Variants in HIF3A observed in about 807,000 individuals in gnomAD.
HIF3A encodes the protein hypoxia inducible factor 3 subunit alpha.
HIF3A carries 41 observed loss-of-function variants against 67.2 expected under a neutral mutation model. The ratio of observed to expected loss-of-function variants is 0.61; its 90% confidence interval spans 0.48 to 0.79. The LOEUF (loss-of-function observed/expected upper bound fraction) is 0.79, where lower values mean the gene tolerates loss of function less well. Ranked by LOEUF, HIF3A falls within the 30% of genes least tolerant of loss-of-function variation. The pLI is 0.00. For missense variants in HIF3A, 855 were observed against 898.0 expected (o/e 0.95, Z 0.61); for synonymous variants, 356 against 374.8 (o/e 0.95, Z 0.58).
chr19:46,312,183 A>G lies in HIF3A; in HGVS notation c.793A>G (p.Ser265Gly). ...DDRIAEVAGY[S>G]PDDLIGCSAY... is the part of the protein sequence containing the mutation. The stretch of plus-strand genomic sequence containing the variant: ...CAGGATTGCAGAAGTGGCTGGCTAT[A>G]GTCCCGATGACCTGATCGGCTGTTC... Residue 265 changes from serine (S) to glycine (G), a missense_variant, in exon 7 of 15, where the codon AGT (serine) becomes GGT (glycine). By Grantham distance (56) the Ser-to-Gly change is moderately conservative (BLOSUM62 0). This residue lies in a region of HIF3A where 638 missense variants were observed against 660.5 expected (regional missense o/e 0.97). Transcript: ENST00000377670. 21 of 1,614,048 alleles carry G rather than the reference A, an allele frequency of 1.3e-5. No individual in the cohort carries two copies. Among genetic ancestry groups the G allele is most frequent in the South Asian group, 4.4e-5 (4 of 91,078 alleles).
At chr19:46,313,414 G>A in intron 8 of HIF3A, 1 of 565,174 alleles carries the variant, frequency 1.8e-6, no homozygotes, top group Non-Finnish European at 2.2e-6. Context: ...CTAGAGCCTG[G>A]GGGTTCAAGA....
At chr19:46,332,710 A>G (rs1401816826) in intron 13 of HIF3A, among the ~76,000 whole-genome samples, 2 of 151,850 alleles carry the variant, frequency 1.3e-5, no homozygotes, top group South Asian at 4.2e-4. Flanking sequence ...CAGGCCAGAC[A>G]TAATGCCTCA....
intron 1 of HIF3A, among the ~76,000 whole-genome samples, chr19:46,301,806 A>G (rs1968358726): frequency 6.6e-6 from 1 of 150,790 alleles, no homozygotes; most frequent in Non-Finnish European, 1.5e-5. Flanking sequence ...TGGCTGACAC[A>G]GTGAAACTCC....
intron 13 of HIF3A, among the ~76,000 whole-genome samples, chr19:46,332,947 A>G (rs1601363083): frequency 6.7e-6 from 1 of 149,746 alleles, no homozygotes. Context: ...GCGCCATTGC[A>G]CTCCTGCCTG....
intron 3 of HIF3A, among the ~76,000 whole-genome samples, chr19:46,307,057 C>T (rs898776435): frequency 1.3e-5 from 2 of 151,868 alleles, no homozygotes; most frequent in African/African-American, 4.8e-5. Flanking sequence ...AATACTCTTA[C>T]TCCAGGGGGC....
intron 12 of HIF3A, among the ~76,000 whole-genome samples, chr19:46,330,341 A>G (rs570219583): frequency 1.3e-5 from 2 of 152,136 alleles, no homozygotes; most frequent in East Asian, 3.9e-4. Context: ...GAAAGGGTGT[A>G]TGTATGTATG....
chr19:46,309,045 T>C (rs1305256411), intron 5 of HIF3A, 106 bp from the exon 6 acceptor site: 1 of 938,872 alleles, frequency 1.1e-6, no homozygotes, highest in South Asian at 1.7e-5. Flanking sequence ...CTTCATGGGG[T>C]TGGAATCTCA....
intron 2 of HIF3A, 165 bp downstream of exon 2, chr19:46,304,253 G>A: frequency 3.2e-6 from 2 of 618,800 alleles, no homozygotes; most frequent in Admixed American, 2.9e-5. Context: ...CGACTTCCCC[G>A]GGGAGGCCCC....
chr19:46,313,582 C>G (rs532622231), intron 8 of HIF3A, among the ~76,000 whole-genome samples: 14 of 151,026 alleles, frequency 9.3e-5, no homozygotes, highest in African/African-American at 3.4e-4. Flanking sequence ...TTTTGACACA[C>G]GCATGCAGTT....
chr19:46,318,838 C>G (rs1253547972), intron 8 of HIF3A, among the ~76,000 whole-genome samples: 1 of 152,084 alleles, frequency 6.6e-6, no homozygotes, highest in Non-Finnish European at 1.5e-5. Flanking sequence ...CCAGGCTGAT[C>G]TTGAACTCCT....
chr19:46,304,181 A>T, intron 2 of HIF3A, 93 bp downstream of exon 2: 1 of 1,152,670 alleles, frequency 8.7e-7, no homozygotes, highest in East Asian at 2.6e-5. Context: ...GGGAAGCCTT[A>T]TTCTGACAAA....
chr19:46,333,642 G>A (rs1254086625), intron 13 of HIF3A, among the ~76,000 whole-genome samples: 1 of 151,964 alleles, frequency 6.6e-6, no homozygotes, highest in Non-Finnish European at 1.5e-5. Context: ...ACTGGACAGG[G>A]ACTGACCCAA....
chr19:46,314,116 C>T (rs1427670359), intron 8 of HIF3A, among the ~76,000 whole-genome samples: 1 of 151,530 alleles, frequency 6.6e-6, no homozygotes, highest in African/African-American at 2.4e-5. Flanking sequence ...CTACTGTAAA[C>T]ATTCTCATAC....
intron 1 of HIF3A, among the ~76,000 whole-genome samples, chr19:46,301,815 C>G (rs1968359438): frequency 6.8e-6 from 1 of 147,242 alleles, no homozygotes; most frequent in Non-Finnish European, 1.5e-5. Context: ...CAGTGAAACT[C>G]CGTCTCAAAA....
rs368898580 is a variant in HIF3A at position 46,308,740 on chromosome 19, G to A, written c.526G>A (p.Gly176Arg). 28 of 1,609,864 alleles carry A rather than the reference G, an allele frequency of 1.7e-5. No homozygotes were observed. The highest frequency in any genetic ancestry group is 3.4e-5 in the Admixed American group (2 of 59,616). The stretch of plus-strand genomic sequence containing the variant: ...CATGAAGAGTACACTCACCAGCCGC[G>A]GGCGCACCCTCAACCTCAAGGCGGC... ...LRMKSTLTSR[G>R]RTLNLKAATW... The change falls in exon 5 of 15, where the codon GGG becomes AGG. Residue 176 changes from glycine (G) to arginine (R), a missense_variant. Physicochemically the swap from Gly to Arg is moderately radical, Grantham distance 125 (BLOSUM62 -2). Transcript: ENST00000377670.
At position 46,329,495 on chromosome 19, in the gene HIF3A, G is replaced by C. The variant is rs371128866; in HGVS notation, c.1712+17G>C. 6.7e-6 allele frequency: 10 copies of C among 1,494,772 alleles called. No homozygotes were observed. The highest frequency in any genetic ancestry group is 8.9e-6 in the Non-Finnish European group (10 of 1,122,264). 92.6% of individuals were successfully genotyped at this position (1,494,772 alleles called of 1,614,324 possible). On this transcript the variant is annotated intron_variant, in intron 12 of 14. Transcript: ENST00000377670. The stretch of plus-strand genomic sequence containing the variant: ...TCGGAAGAGGTGAGCCACAGTAAAG[G>C]GGGGACATCAAGGCAGCATCCCCTC...
intron 2 of HIF3A, among the ~76,000 whole-genome samples, chr19:46,304,729 A>G (rs1968679682): frequency 6.6e-6 from 1 of 152,040 alleles, no homozygotes; most frequent in South Asian, 2.1e-4. Context: ...GGCTCTGTCC[A>G]TTTGACTTCC....
chr19:46,334,903 A>G lies in HIF3A; in HGVS notation c.1831-2A>G. 1 of 1,606,574 alleles carries G rather than the reference A, an allele frequency of 6.2e-7. No individual in the cohort carries two copies. Reference sequence around the variant, plus strand: ...GGTGGTGGCTTTGTCTCTCTCCCACAGAGTTTCCTTCTGACAGGAGGACCA... The same window carrying G: ...GGTGGTGGCTTTGTCTCTCTCCCACGGAGTTTCCTTCTGACAGGAGGACCA... On this transcript the variant is annotated splice_acceptor_variant, in intron 13 of 14. Transcript: ENST00000377670. LOFTEE classifies it high-confidence loss of function.
rs114155017 is a variant in HIF3A at position 46,302,744 on chromosome 19, C to T, written c.27-1154C>T. Among the ~76,000 whole-genome samples, 533 of 152,226 alleles carry T rather than the reference C, an allele frequency of 3.5e-3. 7 individuals are homozygous for T. Among genetic ancestry groups the T allele is most frequent in the African/African-American group, 0.012 (498 of 41,534 alleles). On this transcript the variant is annotated intron_variant, in intron 1 of 14. Coordinates refer to ENST00000377670, the MANE Select transcript of HIF3A (RefSeq NM_152795.4). Reference sequence around the variant, plus strand: ...CAAAAATTAGCTGGGCGTGCTGATACGCACCTGTGGTCCCAGCTACATAAG... The same window carrying T: ...CAAAAATTAGCTGGGCGTGCTGATATGCACCTGTGGTCCCAGCTACATAAG...
Sources: gnomAD v4.1 joint callset for allele counts (sites outside exome capture counted in the v4.1 genomes callset) on GRCh38, gnomAD v4.1.1 for gene constraint, gnomAD v4.1.1 regional missense constraint, MANE v1.5 for transcripts, NCBI Gene and HGNC (gene_info 2026-07-23, HGNC 2026-07-21) for gene names.